PRKAG2: variants seen among roughly 807,000 people sequenced by gnomAD.
PRKAG2 encodes the protein 5'-AMP-activated protein kinase subunit gamma-2.
In PRKAG2, 26 loss-of-function variants were observed where a neutral mutation model predicts 69.6. That is an observed-to-expected ratio of 0.37 (90% CI 0.27 to 0.52). The LOEUF (loss-of-function observed/expected upper bound fraction) is 0.52. PRKAG2 is among the 20% of genes least tolerant of loss of function. The pLI, the probability that PRKAG2 is intolerant of heterozygous loss-of-function variation, is 0.90. For missense variants in PRKAG2, 557 were observed against 740.0 expected, an observed-to-expected ratio of 0.75 and a Z score of 2.87; for synonymous variants, 293 against 285.0, an observed-to-expected ratio of 1.03 and a Z score of -0.28.
intron 9 of PRKAG2, 43 bp from the exon 10 acceptor site, chr7:151,570,268 C>T (rs765304573): frequency 1.9e-5 from 30 of 1,575,360 alleles, no homozygotes; most frequent in Non-Finnish European, 2.4e-5. Context: ...AACACATTTG[C>T]TGTTTGCAGT....
At chr7:151,684,837 G>A (rs768972938) in intron 3 of PRKAG2, among the ~76,000 whole-genome samples, 9 of 152,160 alleles carry the variant, frequency 5.9e-5, no homozygotes, top group Non-Finnish European at 8.8e-5. Flanking sequence ...GCCACAGTCA[G>A]CCACAATGCA....
At chr7:151,854,747 C>T (rs2079661453) in intron 1 of PRKAG2, among the ~76,000 whole-genome samples, 1 of 152,290 alleles carries the variant, frequency 6.6e-6, no homozygotes, top group Admixed American at 6.5e-5. Flanking sequence ...GTCCTTAGGG[C>T]GCGCCTCCTG....
At chr7:151,676,380 G>C (rs1186942856) in intron 3 of PRKAG2, among the ~76,000 whole-genome samples, 2 of 152,076 alleles carry the variant, frequency 1.3e-5, no homozygotes, top group Non-Finnish European at 2.9e-5. Flanking sequence ...TACCCAAGGA[G>C]ACTTCAGGGA....
intron 4 of PRKAG2, among the ~76,000 whole-genome samples, chr7:151,652,764 T>C (rs1828747797): frequency 6.6e-6 from 1 of 152,124 alleles, no homozygotes; most frequent in African/African-American, 2.4e-5. Context: ...TGGCTGGGAC[T>C]ACAGATGTGA....
chr7:151,590,592 C>G (rs1361878757), intron 6 of PRKAG2, among the ~76,000 whole-genome samples: 2 of 152,210 alleles, frequency 1.3e-5, no homozygotes, highest in Admixed American at 6.5e-5. Context: ...CTCGAAAGCC[C>G]AGTGACAGGC....
In PRKAG2 at chr7:151,726,986, C is replaced by T. The variant is rs142784667; in HGVS notation, c.467-51349G>A. On this transcript the variant is annotated intron_variant, in intron 3 of 15. Transcript: ENST00000287878. ...ATCCCAGCGCTTTGGGAGGCCAAGG[C>T]GGGCGGATCACCTGAGGTCAGGAAT... is the stretch of plus-strand genomic sequence containing the variant. Among the ~76,000 whole-genome samples, 47 of 152,134 alleles carry T rather than the reference C, an allele frequency of 3.1e-4. No homozygotes were observed. In the East Asian group the frequency reaches 3.9e-3, roughly 13 times the overall value.
rs932481499 is a variant in PRKAG2 at position 151,814,877 on chromosome 7, C to A, written c.115-28336G>T. 65 of 1,231,658 alleles carry A rather than the reference C, an allele frequency of 5.3e-5. No homozygotes were observed. Among genetic ancestry groups the A allele is most frequent in the Non-Finnish European group, 6.1e-5 (60 of 988,014 alleles). 76.3% of individuals were successfully genotyped at this position (1,231,658 alleles called of 1,614,324 possible). A position where few individuals can be genotyped will look rare whatever the true frequency, so the allele number is the denominator to read the frequency against. On this transcript the variant is annotated intron_variant, in intron 1 of 15. Transcript: ENST00000287878. This position sits in a 1 kb window ranked among gnomAD's most constrained non-coding sequence, Gnocchi z 4.8. ...GCGCTGCTGGGGAGGAAACTCCTTA[C>A]CACACAGCAAGCCAGCAGGAGGGAG... is the stretch of plus-strand genomic sequence containing the variant.
chr7:151,597,822 C>CCA (rs1814969441), intron 5 of PRKAG2, among the ~76,000 whole-genome samples: 1 of 141,814 alleles, frequency 7.1e-6, no homozygotes, highest in Non-Finnish European at 1.5e-5. Context: ...AAAAGGGAGC[C>CCA]CCCCCCCCCG....
intron 1 of PRKAG2, among the ~76,000 whole-genome samples, chr7:151,796,561 C>T (rs1178298493): frequency 1.3e-5 from 2 of 152,128 alleles, no homozygotes; most frequent in Non-Finnish European, 2.9e-5. Context: ...GGGTAACAGT[C>T]GTGCAAGTGT....
intron 1 of PRKAG2, among the ~76,000 whole-genome samples, chr7:151,865,864 CA>C (rs987244478): frequency 1.3e-5 from 2 of 151,878 alleles, no homozygotes; most frequent in Non-Finnish European, 2.9e-5. Flanking sequence ...TTAAAAAATA[CA>C]AAAAATTAGC....
At chr7:151,642,128 G>A (rs1826826451) in intron 4 of PRKAG2, among the ~76,000 whole-genome samples, 1 of 151,066 alleles carries the variant, frequency 6.6e-6, no homozygotes, top group Non-Finnish European at 1.5e-5. Context: ...GAGGTCAGGA[G>A]ATCGAGACCA....
At chr7:151,714,241 G>A (rs986582116) in intron 3 of PRKAG2, among the ~76,000 whole-genome samples, 1 of 152,014 alleles carries the variant, frequency 6.6e-6, no homozygotes, top group African/African-American at 2.4e-5. Context: ...GTTACTCACC[G>A]GCCTAACTTA....
At chr7:151,652,172 AAATATTT>A (rs1473838128) in intron 4 of PRKAG2, among the ~76,000 whole-genome samples, 1 of 152,198 alleles carries the variant, frequency 6.6e-6, no homozygotes, top group Non-Finnish European at 1.5e-5. Flanking sequence ...TTTAGCAGTT[AAATATTT>A]AAAAAACCCC....
intron 3 of PRKAG2, among the ~76,000 whole-genome samples, chr7:151,753,810 G>C (rs1466999611): frequency 6.8e-6 from 1 of 147,148 alleles, no homozygotes; most frequent in Non-Finnish European, 1.5e-5. Context: ...AAGGCAGGAG[G>C]ATCGCTTAAG....
At chr7:151,709,345 T>C (rs951322446) in intron 3 of PRKAG2, among the ~76,000 whole-genome samples, 10 of 152,128 alleles carry the variant, frequency 6.6e-5, no homozygotes, top group East Asian at 1.9e-4. Flanking sequence ...CGTGTGACAA[T>C]GATATGCAAT....
chr7:151,829,546 G>GT (rs2078977160), intron 1 of PRKAG2, among the ~76,000 whole-genome samples: 1 of 151,634 alleles, frequency 6.6e-6, no homozygotes, highest in African/African-American at 2.4e-5. Context: ...AAATAAAAAC[G>GT]TATTTCCATA....
rs1263689543 is a variant in PRKAG2 at position 151,876,560 on chromosome 7, C to T, written c.61G>A (p.Gly21Ser). Residue 21 changes from glycine (G) to serine (S), a missense_variant, in exon 1 of 16, where the codon GGC becomes AGC. Gly to Ser is a moderately conservative substitution (Grantham distance 56). Transcript: ENST00000287878. ...TTCTGGCTGGCATTTTTCTTGCCGC[C>T]GCTCCCGCCGGGGCTGGAAACATCT... ...KKDVSSPGGS[G>S]GKKNASQKRR... 1 of 1,610,188 alleles carries T rather than the reference C, an allele frequency of 6.2e-7. No individual in the cohort carries two copies.
intron 5 of PRKAG2, among the ~76,000 whole-genome samples, chr7:151,628,398 A>C (rs1823546850): frequency 2.0e-5 from 3 of 152,210 alleles, no homozygotes; most frequent in Admixed American, 1.3e-4. Flanking sequence ...AACAATTACA[A>C]ATGTAAAAAG....
In PRKAG2 at chr7:151,781,133, A is replaced by G. The variant is rs376621063; in HGVS notation, c.466+19T>C. 21 of 1,613,476 alleles carry G rather than the reference A, an allele frequency of 1.3e-5. No individual in the cohort carries two copies. The East Asian group carries it at 1.8e-4, about 14-fold the overall frequency. On this transcript the variant is annotated intron_variant, in intron 3 of 15. Transcript: ENST00000287878. The surrounding 1 kb of genome is among the most constrained non-coding windows in gnomAD (Gnocchi z 6.1). Reference sequence around the variant, plus strand: ...CAGCACCCCAGCACCCACCTGAAACAATAGCATCAAGGTCTTACTTTTTCT... The same window carrying G: ...CAGCACCCCAGCACCCACCTGAAACGATAGCATCAAGGTCTTACTTTTTCT...
Sources: allele counts gnomAD v4.1 joint callset (sites outside exome capture counted in the v4.1 genomes callset), GRCh38; gene constraint gnomAD v4.1.1; non-coding constraint Gnocchi (gnomAD v3.1); transcripts MANE v1.5; gene names NCBI Gene and HGNC (gene_info 2026-07-23, HGNC 2026-07-21).